RBFOX1: variants seen among roughly 807,000 people sequenced by gnomAD.
RBFOX1 encodes RNA binding protein fox-1 homolog 1.
RBFOX1 carries 8 observed loss-of-function variants against 57.7 expected under a neutral mutation model. That is an observed-to-expected ratio of 0.14 (90% confidence interval 0.08 to 0.25). The LOEUF (loss-of-function observed/expected upper bound fraction) is 0.25, where lower values mean the gene tolerates loss of function less well. RBFOX1 is among the 10% of genes least tolerant of loss of function. The probability of loss-of-function intolerance (pLI) is 1.00; values close to 1 mark genes in which losing one functional copy is unlikely to be tolerated. For synonymous variants in RBFOX1, 326 were observed against 222.4 expected, an observed-to-expected ratio of 1.47 and a Z score of -4.15; for missense variants, 611 against 548.5, an observed-to-expected ratio of 1.11 and a Z score of -1.14.
At chr16:7,374,681 A>G (rs1010092205) in intron 4 of RBFOX1, among the ~76,000 whole-genome samples, 7 of 152,178 alleles carry the variant, frequency 4.6e-5, no homozygotes, top group Non-Finnish European at 4.4e-5. Flanking sequence ...TTCTAGAAAT[A>G]CCTAAACATT....
intron 1 of RBFOX1, among the ~76,000 whole-genome samples, chr16:6,087,553 T>C (rs553319264): frequency 4.7e-4 from 71 of 152,330 alleles, no homozygotes; most frequent in Non-Finnish European, 8.7e-4. Context: ...TTCTTCATGC[T>C]ATAAATGTCC....
intron 3 of RBFOX1, among the ~76,000 whole-genome samples, chr16:6,820,304 A>C (rs1234960272): frequency 6.6e-6 from 1 of 152,208 alleles, no homozygotes; most frequent in African/African-American, 2.4e-5. Context: ...AAAATAGACT[A>C]ATACGTCCTC....
intron 4 of RBFOX1, among the ~76,000 whole-genome samples, chr16:7,370,802 A>G (rs931949467): frequency 3.2e-4 from 48 of 152,372 alleles, no homozygotes; most frequent in African/African-American, 1.1e-3. Context: ...ATTTTTGCTA[A>G]TTGCAGGACT....
chr16:5,969,565 G>A (rs192253629), intron 4 of RBFOX1, among the ~76,000 whole-genome samples: 371 of 148,082 alleles, frequency 2.5e-3, no homozygotes, highest in African/African-American at 8.5e-3. Flanking sequence ...CTCATGATCC[G>A]CCTGCCTCAA....
intron 2 of RBFOX1, among the ~76,000 whole-genome samples, chr16:5,562,631 G>T (rs544979851): frequency 6.6e-6 from 1 of 152,088 alleles, no homozygotes; most frequent in Non-Finnish European, 1.5e-5. Context: ...GTAAGTGCTA[G>T]GGAGTCTTCC....
At chr16:6,250,445 A>G (rs1171609846) in intron 1 of RBFOX1, among the ~76,000 whole-genome samples, 2 of 152,186 alleles carry the variant, frequency 1.3e-5, no homozygotes, top group Admixed American at 6.5e-5. Flanking sequence ...TATGTCAAAG[A>G]AAATGAGCAA....
intron 4 of RBFOX1, among the ~76,000 whole-genome samples, chr16:5,964,679 G>A (rs1413646893): frequency 6.6e-6 from 1 of 151,742 alleles, no homozygotes; most frequent in Admixed American, 6.6e-5. Flanking sequence ...AGGCCATTGT[G>A]TGTTTGTGTA....
intron 3 of RBFOX1, among the ~76,000 whole-genome samples, chr16:6,909,660 A>T (rs1246110073): frequency 6.6e-6 from 1 of 152,240 alleles, no homozygotes; most frequent in African/African-American, 2.4e-5. Flanking sequence ...TCAAGTGAGG[A>T]TAGAGAAGTC....
In RBFOX1 at chr16:6,854,587, A is replaced by ATTTTTTTTTTTTTT. The variant is rs71147611; in HGVS notation, c.-15-197458_-15-197445dup. Among the ~76,000 whole-genome samples, 223 of 70,636 alleles carry ATTTTTTTTTTTTTT rather than the reference A, an allele frequency of 3.2e-3. 21 individuals carry two copies. The highest frequency in any genetic ancestry group is 0.013 in the Middle Eastern group (1 of 78). The allele number at this position is 70,636 out of a possible 152,430, so 46.3% of individuals were successfully genotyped here. A position where few individuals can be genotyped will look rare whatever the true frequency, so the allele number is the denominator to read the frequency against. On this transcript the variant is annotated intron_variant, in intron 3 of 15. Transcript: ENST00000550418. ...CCTCCCTGCCAACTAGGAGAGGTGA[A>ATTTTTTTTTTTTTT]TTTTTTTTTTTTTTTTTTTTTTTTT...
chr16:6,177,802 T>C (rs970716448), intron 1 of RBFOX1, among the ~76,000 whole-genome samples: 1 of 151,916 alleles, frequency 6.6e-6, no homozygotes, highest in Non-Finnish European at 1.5e-5. Context: ...TTGTGGACAC[T>C]GCTCACAGGC....
chr16:5,982,684 C>A (rs115783668), intron 4 of RBFOX1, among the ~76,000 whole-genome samples: 1 of 152,158 alleles, frequency 6.6e-6, no homozygotes, highest in Non-Finnish European at 1.5e-5. Context: ...CCACTGAGGA[C>A]GTTCCTGACC....
chr16:6,449,347 A>C (rs1275523651), intron 2 of RBFOX1, among the ~76,000 whole-genome samples: 2 of 152,210 alleles, frequency 1.3e-5, no homozygotes, highest in Non-Finnish European at 2.9e-5. Flanking sequence ...CAAAGGTCTG[A>C]AATGTAACAA....
At chr16:5,462,273 A>G (rs912669384) in intron 1 of RBFOX1, among the ~76,000 whole-genome samples, 1 of 143,836 alleles carries the variant, frequency 7.0e-6, no homozygotes, top group African/African-American at 2.6e-5. Context: ...GGTTCACGCC[A>G]TTCTCCTGCC....
chr16:5,247,045 C>T (rs548723539), intron 1 of RBFOX1, among the ~76,000 whole-genome samples: 1 of 152,204 alleles, frequency 6.6e-6, no homozygotes, highest in Admixed American at 6.5e-5. Flanking sequence ...GCTTATTTCA[C>T]TTAACGTAAT....
At chr16:7,003,060 A>C (rs1426661073) in intron 3 of RBFOX1, among the ~76,000 whole-genome samples, 4 of 151,868 alleles carry the variant, frequency 2.6e-5, no homozygotes, top group African/African-American at 4.8e-5. Flanking sequence ...TGGTTTCCCA[A>C]AGAGAGGTTA....
chr16:7,041,991 G>C (rs1187079577), intron 3 of RBFOX1, among the ~76,000 whole-genome samples: 1 of 152,112 alleles, frequency 6.6e-6, no homozygotes, highest in African/African-American at 2.4e-5. Context: ...AGATGTTCAA[G>C]GACTGGACTT....
At chr16:7,253,605 C>G (rs1025413751) in intron 4 of RBFOX1, among the ~76,000 whole-genome samples, 6 of 152,150 alleles carry the variant, frequency 3.9e-5, no homozygotes, top group East Asian at 1.9e-4. Context: ...TTTCCAGCCT[C>G]TTTTCCTTTT....
intron 1 of RBFOX1, among the ~76,000 whole-genome samples, chr16:6,215,492 G>A (rs896955111): frequency 3.9e-5 from 6 of 152,010 alleles, no homozygotes; most frequent in African/African-American, 1.5e-4. Flanking sequence ...AGGAGACAGA[G>A]TGTGCATGCC....
intron 4 of RBFOX1, among the ~76,000 whole-genome samples, chr16:7,136,941 G>C (rs1231868544): frequency 6.6e-6 from 1 of 152,174 alleles, no homozygotes; most frequent in Non-Finnish European, 1.5e-5. Context: ...TTCATTCCTC[G>C]TCATGGCCCA....
Sources: gnomAD v4.1 joint callset for allele counts (sites outside exome capture counted in the v4.1 genomes callset) on GRCh38, gnomAD v4.1.1 for gene constraint, MANE v1.5 for transcripts, NCBI Gene and HGNC (gene_info 2026-07-23, HGNC 2026-07-21) for gene names.